Variants in SGCZ observed in about 807,000 individuals in gnomAD.
SGCZ encodes the protein sarcoglycan zeta.
In SGCZ, 40 loss-of-function variants were observed where a neutral mutation model predicts 41.3. That is an observed-to-expected ratio of 0.97 (90% confidence interval 0.75 to 1.26). The LOEUF (loss-of-function observed/expected upper bound fraction) is 1.26. Ranked by LOEUF, SGCZ falls within the 50% of genes most tolerant of loss-of-function variation. The probability of loss-of-function intolerance (pLI) is 0.00; values close to 1 mark genes in which losing one functional copy is unlikely to be tolerated. For synonymous variants in SGCZ, 206 were observed against 137.5 expected (o/e 1.50, Z -3.49); for missense variants, 552 against 369.8 (o/e 1.49, Z -4.04).
chr8:14,315,871 G>C (rs1195424782), intron 3 of SGCZ, among the ~76,000 whole-genome samples: 1 of 151,602 alleles, frequency 6.6e-6, no homozygotes, highest in Non-Finnish European at 1.5e-5. Context: ...GAAAACAAAT[G>C]ACTGTTCAGA....
At chr8:14,764,913 G>T (rs1358400932) in intron 1 of SGCZ, among the ~76,000 whole-genome samples, 1 of 152,102 alleles carries the variant, frequency 6.6e-6, no homozygotes, top group Non-Finnish European at 1.5e-5. Context: ...ACTTTTAAAT[G>T]GTTGAACAAC....
intron 1 of SGCZ, among the ~76,000 whole-genome samples, chr8:15,136,776 C>A (rs938332526): frequency 5.3e-5 from 8 of 152,180 alleles, no homozygotes; most frequent in African/African-American, 1.9e-4. Context: ...AATTACACCT[C>A]TTTTCTTTAT....
At chr8:14,158,591 A>G (rs1053783590) in intron 5 of SGCZ, among the ~76,000 whole-genome samples, 3 of 152,170 alleles carry the variant, frequency 2.0e-5, no homozygotes, top group African/African-American at 7.2e-5. Context: ...CACAGTGGAG[A>G]AATTCAAGCC....
At chr8:14,928,406 G>A (rs1585386840) in intron 1 of SGCZ, among the ~76,000 whole-genome samples, 1 of 152,072 alleles carries the variant, frequency 6.6e-6, no homozygotes, top group East Asian at 1.9e-4. Flanking sequence ...TACACTAACT[G>A]AATAATGATA....
chr8:14,502,812 G>A (rs1228664544), intron 2 of SGCZ, among the ~76,000 whole-genome samples: 4 of 152,172 alleles, frequency 2.6e-5, no homozygotes, highest in South Asian at 2.1e-4. Flanking sequence ...AGATGCTGGC[G>A]AGGATGTGGA....
At chr8:14,829,937 G>C (rs1011596438) in intron 1 of SGCZ, among the ~76,000 whole-genome samples, 3 of 152,000 alleles carry the variant, frequency 2.0e-5, no homozygotes, top group African/African-American at 7.2e-5. Context: ...TCAGCCTCCT[G>C]AGTAGCTGGG....
chr8:14,846,398 ATC>A (rs1362598754), intron 1 of SGCZ, among the ~76,000 whole-genome samples: 1 of 152,102 alleles, frequency 6.6e-6, no homozygotes, highest in African/African-American at 2.4e-5. Context: ...CAAAAGTTGG[ATC>A]TCTGAATAGA....
At chr8:14,234,270 G>C (rs563772736) in intron 4 of SGCZ, among the ~76,000 whole-genome samples, 1 of 151,972 alleles carries the variant, frequency 6.6e-6, no homozygotes, top group Non-Finnish European at 1.5e-5. Context: ...AGTGAGTCAG[G>C]ATTAGAATTA....
At chr8:14,723,028 ATT>A (rs1159454703) in intron 1 of SGCZ, among the ~76,000 whole-genome samples, 1 of 152,158 alleles carries the variant, frequency 6.6e-6, no homozygotes, top group Non-Finnish European at 1.5e-5. Flanking sequence ...TTTTTATTCC[ATT>A]GTTTGTTTCT....
At chr8:14,274,216 C>T (rs17229260) in intron 3 of SGCZ, among the ~76,000 whole-genome samples, 38,954 of 151,954 alleles carry the variant, frequency 0.26, 6,392 homozygotes, top group Non-Finnish European at 0.37. Context: ...TTGCAAATAT[C>T]TGACAGAAGA....
At chr8:14,258,741 G>GA (rs1799551328) in intron 3 of SGCZ, among the ~76,000 whole-genome samples, 2 of 152,262 alleles carry the variant, frequency 1.3e-5, no homozygotes, top group South Asian at 4.1e-4. Context: ...TTAAACTGCA[G>GA]TTTGTATATC....
In SGCZ at chr8:14,355,309, C is replaced by G. The variant is rs565436029; in HGVS notation, c.235-31105G>C. 2.6e-5 allele frequency among the ~76,000 whole-genome samples: 4 copies of G among 152,062 alleles called. No homozygotes were observed. The East Asian group carries it at 7.7e-4, about 29-fold the overall frequency. ...TAAAAACTCAAAGTCTATATTCTCT[C>G]TTTTCTAGATTCCACATAAATTCAT... On this transcript the variant is annotated intron_variant, in intron 2 of 7. Transcript: ENST00000382080.
chr8:14,623,453 T>C (rs768164466), intron 1 of SGCZ, among the ~76,000 whole-genome samples: 2 of 152,212 alleles, frequency 1.3e-5, no homozygotes, highest in Non-Finnish European at 2.9e-5. Flanking sequence ...CAGACATCTC[T>C]GACCTCTGTT....
At chr8:15,028,906 G>C (rs1803555329) in intron 1 of SGCZ, among the ~76,000 whole-genome samples, 2 of 152,112 alleles carry the variant, frequency 1.3e-5, no homozygotes, top group South Asian at 4.2e-4. Context: ...ATAATTTAAA[G>C]ACCAGGTTGC....
chr8:15,001,210 A>T (rs1802407752), intron 1 of SGCZ, among the ~76,000 whole-genome samples: 1 of 152,198 alleles, frequency 6.6e-6, no homozygotes, highest in South Asian at 2.1e-4. Context: ...CGAGAGAGAG[A>T]GAGACTGCTA....
intron 5 of SGCZ, among the ~76,000 whole-genome samples, chr8:14,126,105 G>C (rs185790758): frequency 2.8e-4 from 42 of 152,176 alleles, no homozygotes; most frequent in African/African-American, 9.2e-4. Context: ...AAAGCAATTA[G>C]AACAAAAGCT....
At chr8:14,596,404 C>T (rs1388685097) in intron 1 of SGCZ, among the ~76,000 whole-genome samples, 3 of 152,014 alleles carry the variant, frequency 2.0e-5, no homozygotes, top group East Asian at 3.9e-4. Flanking sequence ...TATCACTCGG[C>T]AATAAAAATC....
At chr8:14,460,902 T>C (rs1800883827) in intron 2 of SGCZ, among the ~76,000 whole-genome samples, 1 of 152,180 alleles carries the variant, frequency 6.6e-6, no homozygotes, top group African/African-American at 2.4e-5. Flanking sequence ...GATACTTTCA[T>C]TTGGCCCATA....
intron 1 of SGCZ, among the ~76,000 whole-genome samples, chr8:15,149,800 T>G (rs948287360): frequency 2.0e-5 from 3 of 151,280 alleles, no homozygotes; most frequent in Non-Finnish European, 4.4e-5. Flanking sequence ...ACCCAGCAAT[T>G]CTTCTAAAAA....
Sources: gnomAD v4.1 joint callset for allele counts (sites outside exome capture counted in the v4.1 genomes callset) on GRCh38, gnomAD v4.1.1 for gene constraint, MANE v1.5 for transcripts, NCBI Gene and HGNC (gene_info 2026-07-23, HGNC 2026-07-21) for gene names.